ASPH: variants seen among roughly 807,000 people sequenced by gnomAD.
ASPH encodes the protein aspartyl/asparaginyl beta-hydroxylase.
ASPH carries 100 observed loss-of-function variants against 118.4 expected under a neutral mutation model. The observed-to-expected ratio is 0.84, with a 90% CI of 0.72 to 1.00. The LOEUF is 1.00. Ranked by LOEUF, ASPH falls within the 50% of genes least tolerant of loss-of-function variation. ASPH has a pLI of 0.00. For synonymous variants in ASPH, 315 were observed against 325.6 expected (o/e 0.97, Z 0.35); for missense variants, 920 against 919.5 (o/e 1.00, Z -0.01).
At chr8:61,553,252 T>G in intron 19 of ASPH, 132 bp from the exon 20 acceptor site, 1 of 649,408 alleles carries the variant, frequency 1.5e-6, no homozygotes, top group Non-Finnish European at 2.6e-6. Context: ...CATATTAAAC[T>G]TTGGGAATGA....
At chr8:61,546,500 C>T (rs544384915) in intron 21 of ASPH, among the ~76,000 whole-genome samples, 3 of 152,116 alleles carry the variant, frequency 2.0e-5, no homozygotes, top group African/African-American at 4.8e-5. Flanking sequence ...TAAATGTAGC[C>T]GACCTATCAA....
At chr8:61,667,238 A>G (rs1820122988) in intron 3 of ASPH, among the ~76,000 whole-genome samples, 1 of 152,194 alleles carries the variant, frequency 6.6e-6, no homozygotes, top group Admixed American at 6.5e-5. Context: ...AGGCATGCAC[A>G]TCCCCCATGC....
At chr8:61,569,803 T>C (rs1004355100) in intron 16 of ASPH, among the ~76,000 whole-genome samples, 2 of 152,218 alleles carry the variant, frequency 1.3e-5, no homozygotes, top group Non-Finnish European at 2.9e-5. Context: ...TCTGTAAATG[T>C]TCTCCAGAAT....
intron 13 of ASPH, among the ~76,000 whole-genome samples, chr8:61,620,842 G>C (rs1398881930): frequency 6.6e-6 from 1 of 152,200 alleles, no homozygotes; most frequent in East Asian, 1.9e-4. Context: ...TAGAACAGGT[G>C]GGTGCTGGTC....
intron 21 of ASPH, among the ~76,000 whole-genome samples, chr8:61,532,595 T>C (rs1035963718): frequency 2.0e-5 from 3 of 152,216 alleles, no homozygotes; most frequent in African/African-American, 7.2e-5. Flanking sequence ...ATCCACAAAA[T>C]TATTGCCAAG....
intron 5 of ASPH, among the ~76,000 whole-genome samples, 184 bp from the exon 6 acceptor site, chr8:61,647,062 G>A (rs1240263400): frequency 2.6e-5 from 4 of 152,176 alleles, no homozygotes; most frequent in Non-Finnish European, 5.9e-5. Context: ...ATCTGCCTAA[G>A]TATATGTGGT....
At chr8:61,543,737 G>A (rs1432719439) in intron 21 of ASPH, among the ~76,000 whole-genome samples, 2 of 152,094 alleles carry the variant, frequency 1.3e-5, no homozygotes, top group East Asian at 3.9e-4. Flanking sequence ...AATACAATGT[G>A]GCAATTCTGG....
At chr8:61,541,595 G>A (rs927106391) in intron 21 of ASPH, among the ~76,000 whole-genome samples, 7 of 152,100 alleles carry the variant, frequency 4.6e-5, no homozygotes, top group Admixed American at 3.3e-4. Flanking sequence ...TCAACTAAAC[G>A]GTCAATGAAC....
intron 6 of ASPH, 62 bp from the exon 7 acceptor site, chr8:61,644,694 G>A (rs535646215): frequency 1.7e-4 from 203 of 1,228,890 alleles, no homozygotes; most frequent in Admixed American, 2.9e-4. Context: ...TATATATCCC[G>A]TATATGTACT....
rs533349677 is a variant in ASPH at position 61,527,551 on chromosome 8, T to C, written c.1765-1439A>G. ...TGATTTTATAATTTTATGATATGTA[T>C]GCATTAATTTGTGTTAATATTGTTA... On this transcript the variant is annotated intron_variant, in intron 21 of 24. Coordinates refer to ENST00000379454, the MANE Select transcript of ASPH (RefSeq NM_004318.4). 3.9e-5 allele frequency among the ~76,000 whole-genome samples: 6 copies of C among 152,374 alleles called. No homozygotes were observed. In the East Asian group the frequency reaches 1.2e-3, roughly 29 times the overall value.
intron 2 of ASPH, among the ~76,000 whole-genome samples, chr8:61,682,763 C>T (rs142462830): frequency 1.5e-3 from 222 of 152,212 alleles, no homozygotes; most frequent in African/African-American, 4.9e-3. Context: ...AATTTGTTTG[C>T]CCTTTCTCCC....
At chr8:61,666,020 T>C (rs190033576) in intron 3 of ASPH, among the ~76,000 whole-genome samples, 121 of 152,316 alleles carry the variant, frequency 7.9e-4, no homozygotes, top group African/African-American at 2.7e-3. Context: ...ATTTAAAATG[T>C]TTAGCTCAAA....
At chr8:61,612,291 A>G (rs2133948777) in intron 14 of ASPH, among the ~76,000 whole-genome samples, 1 of 152,296 alleles carries the variant, frequency 6.6e-6, no homozygotes, top group East Asian at 1.9e-4. Context: ...TTGAAATGGC[A>G]GAAGAAAGAA....
intron 14 of ASPH, among the ~76,000 whole-genome samples, chr8:61,611,881 C>T (rs2133935650): frequency 1.3e-5 from 2 of 152,202 alleles, no homozygotes; most frequent in South Asian, 4.2e-4. Flanking sequence ...TGAGTCCAGC[C>T]AAGTTAACTG....
At chr8:61,650,592 T>C (rs1266692402) in intron 5 of ASPH, among the ~76,000 whole-genome samples, 1 of 152,198 alleles carries the variant, frequency 6.6e-6, no homozygotes, top group Non-Finnish European at 1.5e-5. Flanking sequence ...TGGGAAAATG[T>C]TTTGCATTCT....
intron 19 of ASPH, 52 bp downstream of exon 19, chr8:61,555,872 A>G: frequency 6.6e-7 from 1 of 1,509,682 alleles, no homozygotes; most frequent in Admixed American, 1.7e-5. Context: ...GTGTGTCCCA[A>G]TAACTCGAAG....
Position 61,556,046 on chromosome 8 carries a change from C to T in ASPH, c.1438-24G>A, listed in dbSNP as rs773351470. On this transcript the variant is annotated intron_variant, in intron 18 of 24. Coordinates refer to ENST00000379454, the MANE Select transcript of ASPH (RefSeq NM_004318.4). ...ACCTAAACTCAAAGAAAACACAGAA[C>T]ATAACTCAAAGAAAACATAGGTGAT... 5.6e-6 allele frequency: 9 copies of T among 1,601,118 alleles called. No individual in the cohort carries two copies. In the Admixed American group the frequency reaches 1.2e-4, roughly 21 times the overall value.
rs2151680823 is a variant in ASPH, at chr8:61,684,332, G to A, written c.104-144C>T. 2.2e-5 allele frequency: 18 copies of A among 831,890 alleles called. 1 individual carries two copies. The highest frequency in any genetic ancestry group is 2.5e-4 in the Middle Eastern group (1 of 3,962). The allele number at this position is 831,890 out of a possible 1,614,324, so 51.5% of individuals were successfully genotyped here. A position where few individuals can be genotyped will look rare whatever the true frequency, so the allele number is the denominator to read the frequency against. On this transcript the variant is annotated intron_variant, in intron 1 of 24. Transcript: ENST00000379454. ...GTTTCCAGTTAAATTCTCAAAACAC[G>A]TCACACAAAATATTTCTGAAAACAG...
chr8:61,673,751 AG>A (rs1823804916), intron 3 of ASPH, among the ~76,000 whole-genome samples: 1 of 152,308 alleles, frequency 6.6e-6, no homozygotes, highest in East Asian at 1.9e-4. Context: ...AATTTTGATC[AG>A]CTTTGAGATA....
Sources: allele counts gnomAD v4.1 joint callset (sites outside exome capture counted in the v4.1 genomes callset), GRCh38; gene constraint gnomAD v4.1.1; transcripts MANE v1.5; gene names NCBI Gene and HGNC (gene_info 2026-07-23, HGNC 2026-07-21).